KCTD9: variants seen among roughly 807,000 people sequenced by gnomAD.
KCTD9 encodes BTB/POZ domain-containing protein KCTD9.
A neutral mutation model predicts 53.3 loss-of-function variants in KCTD9; 17 were observed. The observed-to-expected ratio is 0.32, with a 90% CI of 0.22 to 0.48. The LOEUF is 0.48. Ranked by LOEUF, KCTD9 falls within the 20% of genes least tolerant of loss-of-function variation. The pLI is 0.99. For missense variants in KCTD9, 179 were observed against 465.5 expected, an observed-to-expected ratio of 0.38 and a Z score of 5.66; for synonymous variants, 128 against 162.7, an observed-to-expected ratio of 0.79 and a Z score of 1.62.
chr8:25,431,955 T>C (rs949312561), intron 11 of KCTD9, among the ~76,000 whole-genome samples: 2 of 152,306 alleles, frequency 1.3e-5, no homozygotes, highest in East Asian at 3.9e-4. Flanking sequence ...TCAATAGCTA[T>C]ATATGGGTGG....
intron 3 of KCTD9, among the ~76,000 whole-genome samples, chr8:25,441,813 A>C (rs781416370): frequency 6.6e-6 from 1 of 152,060 alleles, no homozygotes; most frequent in South Asian, 2.1e-4. Context: ...GCAACAGGGC[A>C]AAACCCCAAA....
At chr8:25,457,118 T>C (rs1048528626) in intron 1 of KCTD9, among the ~76,000 whole-genome samples, 1 of 152,152 alleles carries the variant, frequency 6.6e-6, no homozygotes, top group African/African-American at 2.4e-5. Context: ...AACATAAAAT[T>C]ATAGCCAACA....
At chr8:25,441,404 G>A (rs1360942396) in intron 3 of KCTD9, among the ~76,000 whole-genome samples, 1 of 152,006 alleles carries the variant, frequency 6.6e-6, no homozygotes, top group African/African-American at 2.4e-5. Context: ...TAATACAAAA[G>A]TGTTAAAATA....
At chr8:25,441,456 C>A (rs1188113169) in intron 3 of KCTD9, among the ~76,000 whole-genome samples, 1 of 151,970 alleles carries the variant, frequency 6.6e-6, no homozygotes, top group Non-Finnish European at 1.5e-5. Flanking sequence ...CAGAAATACC[C>A]ACAAAATAGA....
chr8:25,439,905 T>A, intron 4 of KCTD9: 1 of 671,382 alleles, frequency 1.5e-6, no homozygotes, highest in Non-Finnish European at 2.2e-6. Flanking sequence ...CTTGTCTGTC[T>A]ATCCTGTAAG....
chr8:25,432,474 T>C (rs774046221), intron 11 of KCTD9, 30 bp downstream of exon 11: 17 of 1,598,468 alleles, frequency 1.1e-5, no homozygotes, highest in Non-Finnish European at 1.5e-5. Context: ...TCTAGAGTAA[T>C]AAAAATTCTT....
chr8:25,430,481 G>A (rs896173811), intron 11 of KCTD9, among the ~76,000 whole-genome samples: 6 of 152,178 alleles, frequency 3.9e-5, no homozygotes, highest in African/African-American at 1.4e-4. Flanking sequence ...GAGGGATCTA[G>A]GTGGGGTACT....
intron 6 of KCTD9, among the ~76,000 whole-genome samples, chr8:25,437,696 A>G (rs1802043305): frequency 1.3e-5 from 2 of 151,418 alleles, no homozygotes; most frequent in South Asian, 4.2e-4. Context: ...AAAAATACAA[A>G]TATTAGCTGG....
At chr8:25,433,294 C>T (rs776700669) in intron 10 of KCTD9, 36 bp downstream of exon 10, 2 of 1,200,756 alleles carry the variant, frequency 1.7e-6, no homozygotes, top group Admixed American at 3.8e-5. Flanking sequence ...CAGTCTGCTT[C>T]CTTCGTAGAA....
intron 1 of KCTD9, among the ~76,000 whole-genome samples, chr8:25,448,505 CA>C (rs927775806): frequency 1.3e-4 from 20 of 152,120 alleles, no homozygotes; most frequent in African/African-American, 4.8e-4. Context: ...ATGAATTACA[CA>C]TTTAAAAAAT....
chr8:25,445,196 C>T (rs1014268254), intron 2 of KCTD9, among the ~76,000 whole-genome samples: 1 of 152,126 alleles, frequency 6.6e-6, no homozygotes, highest in South Asian at 2.1e-4. Flanking sequence ...TACTTGTTCA[C>T]CATGCCAGTT....
intron 11 of KCTD9, among the ~76,000 whole-genome samples, chr8:25,431,210 A>G (rs1801923865): frequency 6.6e-6 from 1 of 152,102 alleles, no homozygotes; most frequent in Admixed American, 6.6e-5. Context: ...TGGGGGGAAG[A>G]CTTTTTTTTT....
intron 2 of KCTD9, 136 bp downstream of exon 2, chr8:25,445,993 C>G: frequency 8.8e-7 from 1 of 1,132,276 alleles, no homozygotes; most frequent in South Asian, 1.7e-5. Flanking sequence ...ATTTAAATTC[C>G]AAAGAGCAAA....
intron 1 of KCTD9, among the ~76,000 whole-genome samples, chr8:25,451,728 C>A (rs901326328): frequency 6.6e-6 from 1 of 152,062 alleles, no homozygotes; most frequent in Non-Finnish European, 1.5e-5. Flanking sequence ...TTTTAATTTA[C>A]CTTTAAACAC....
chr8:25,442,547 T>A (rs1246244604), intron 3 of KCTD9, among the ~76,000 whole-genome samples: 1 of 152,222 alleles, frequency 6.6e-6, no homozygotes, highest in East Asian at 1.9e-4. Flanking sequence ...GGCAATGGCA[T>A]CTTGCCATTG....
chr8:25,429,639 A>G lies in KCTD9; in HGVS notation c.*218T>C. The G allele has an allele frequency of 4.6e-6, 2 of 435,452 alleles. No homozygotes were observed. The highest frequency in any genetic ancestry group is 8.6e-6 in the Non-Finnish European group (2 of 231,966). The allele number at this position is 435,452 out of a possible 1,614,324, so 27.0% of individuals were successfully genotyped here. On this transcript the variant is annotated 3_prime_UTR_variant, in exon 12 of 12. Coordinates refer to ENST00000221200, the MANE Select transcript of KCTD9 (RefSeq NM_017634.4). ...AGGCAGCAATATCTAGTTTCCCTAC[A>G]TCTATTAAATGAGTGCTTTTCTGTT... is the stretch of plus-strand genomic sequence containing the variant.
intron 1 of KCTD9, among the ~76,000 whole-genome samples, chr8:25,446,616 G>A (rs1465923661): frequency 2.0e-5 from 3 of 152,332 alleles, no homozygotes; most frequent in East Asian, 3.9e-4. Context: ...TAGAAATGAA[G>A]AAAATAGTAG....
chr8:25,446,332 G>C (rs1802213492), intron 1 of KCTD9, 82 bp from the exon 2 acceptor site: 1 of 1,419,020 alleles, frequency 7.0e-7, no homozygotes, highest in Admixed American at 2.1e-5. Context: ...CACTAGAACA[G>C]TGCTAAAAAG....
chr8:25,430,030 T>C (rs933782705), intron 11 of KCTD9, 57 bp from the exon 12 acceptor site: 4 of 952,620 alleles, frequency 4.2e-6, no homozygotes, highest in Non-Finnish European at 5.2e-6. Context: ...GCCTTATCTA[T>C]TTCTGCTCAA....
Sources: gnomAD v4.1 joint callset for allele counts (sites outside exome capture counted in the v4.1 genomes callset) on GRCh38, gnomAD v4.1.1 for gene constraint, MANE v1.5 for transcripts, NCBI Gene and HGNC (gene_info 2026-07-23, HGNC 2026-07-21) for gene names.